Variants in OTUD7A observed in about 807,000 individuals in gnomAD.
OTUD7A encodes the protein OTU domain-containing protein 7A.
Under a neutral mutation model 65.7 loss-of-function variants are expected in OTUD7A, and 12 were observed. The observed-to-expected ratio is 0.18, with a 90% CI of 0.12 to 0.30. The LOEUF (loss-of-function observed/expected upper bound fraction) is 0.30, where lower values mean the gene tolerates loss of function less well. OTUD7A is among the 10% of genes least tolerant of loss of function. The probability of loss-of-function intolerance (pLI) is 1.00; values close to 1 mark genes in which losing one functional copy is unlikely to be tolerated. For missense variants in OTUD7A, 1,148 were observed against 1,304.8 expected, an observed-to-expected ratio of 0.88 and a Z score of 1.85; for synonymous variants, 641 against 586.3, an observed-to-expected ratio of 1.09 and a Z score of -1.35.
At chr15:31,809,817 C>T (rs1360721927) in intron 1 of OTUD7A, among the ~76,000 whole-genome samples, 1 of 152,226 alleles carries the variant, frequency 6.6e-6, no homozygotes, top group Non-Finnish European at 1.5e-5. Flanking sequence ...CTAAATAATA[C>T]ACAAACAAAA....
At position 31,524,380 on chromosome 15, in the gene OTUD7A, TATC is replaced by T. The variant is rs2041981616; in HGVS notation, c.893+1966_893+1968del. ...TTTTGACTTTTTGGCTCCTTCCATT[TATC>T]ATTTTTGTGGGGTCTTGGAACAGTT... On this transcript the variant is annotated intron_variant, in intron 8 of 12. Transcript: ENST00000307050. 2.7e-5 allele frequency among the ~76,000 whole-genome samples: 4 copies of T among 148,304 alleles called. No homozygotes were observed. The South Asian group carries it at 8.3e-4, about 31-fold the overall frequency.
intron 1 of OTUD7A, among the ~76,000 whole-genome samples, chr15:31,750,178 C>T (rs1049793386): frequency 4.6e-5 from 7 of 152,072 alleles, no homozygotes; most frequent in South Asian, 2.1e-4. Context: ...GAGGCTGAGG[C>T]GGGTGGATCA....
intron 1 of OTUD7A, among the ~76,000 whole-genome samples, chr15:31,832,803 A>G (rs1896967560): frequency 6.6e-6 from 1 of 152,230 alleles, no homozygotes; most frequent in Admixed American, 6.5e-5. Context: ...GCTGAATAAT[A>G]TTCCATTGTA....
chr15:31,484,080 G>A lies in OTUD7A; in HGVS notation c.2016C>T (p.Phe672=). The change falls in exon 13 of 13, where the codon TTC becomes TTT. Residue 672 remains phenylalanine, a synonymous_variant. Transcript: ENST00000307050. This position sits in a 1 kb window ranked among gnomAD's most constrained non-coding sequence, Gnocchi z 4.5. ...GYYLTSAQER[F]SAEQEQRRRD... ...GGCGCCGCTGCTCCTGCTCGGCGCT[G>A]AAGCGCTCCTGCGCGCTCGTCAGGT... The A allele has an allele frequency of 6.3e-7, 1 of 1,594,630 alleles. No homozygotes were observed. Among genetic ancestry groups the A allele is most frequent in the Non-Finnish European group, 8.5e-7 (1 of 1,176,740 alleles).
chr15:31,500,760 T>C (rs1346755554), intron 10 of OTUD7A, among the ~76,000 whole-genome samples: 1 of 152,240 alleles, frequency 6.6e-6, no homozygotes, highest in Non-Finnish European at 1.5e-5. Flanking sequence ...TTCCCCCTGT[T>C]GGCCCTGGAC....
intron 1 of OTUD7A, among the ~76,000 whole-genome samples, chr15:31,727,401 A>C (rs1363903699): frequency 7.9e-6 from 1 of 125,918 alleles, no homozygotes; most frequent in African/African-American, 2.9e-5. Context: ...TAAAACATTG[A>C]TCTCTCCATC....
At chr15:31,526,029 T>C (rs1201042586) in intron 8 of OTUD7A, among the ~76,000 whole-genome samples, 1 of 152,216 alleles carries the variant, frequency 6.6e-6, no homozygotes, top group Non-Finnish European at 1.5e-5. Context: ...TGCTGTGCCC[T>C]GAAGGCGCAC....
chr15:31,550,850 A>C (rs185962423), intron 5 of OTUD7A, among the ~76,000 whole-genome samples: 1 of 152,314 alleles, frequency 6.6e-6, no homozygotes, highest in East Asian at 1.9e-4. Context: ...GGGAGTGTTC[A>C]GCAGGTGTCT....
chr15:31,747,987 A>T (rs1403706253), intron 1 of OTUD7A, among the ~76,000 whole-genome samples: 2 of 152,190 alleles, frequency 1.3e-5, no homozygotes, highest in Non-Finnish European at 2.9e-5. Flanking sequence ...CTTGGAAAAC[A>T]CCAAATCAAG....
At chr15:31,538,392 G>A (rs1237301011) in intron 5 of OTUD7A, among the ~76,000 whole-genome samples, 1 of 152,176 alleles carries the variant, frequency 6.6e-6, no homozygotes, top group African/African-American at 2.4e-5. Flanking sequence ...TTAAGCTCCT[G>A]CTGGCTGGGT....
intron 1 of OTUD7A, among the ~76,000 whole-genome samples, chr15:31,707,846 C>T (rs1893342866): frequency 6.6e-6 from 1 of 152,034 alleles, no homozygotes; most frequent in Admixed American, 6.5e-5. Context: ...TATAATTTTT[C>T]ATTTATCTAG....
At position 31,483,305 on chromosome 15, in the gene OTUD7A, C is replaced by T; in HGVS notation, c.2791G>A (p.Ala931Thr). 1 of 1,182,290 alleles carries T rather than the reference C, an allele frequency of 8.5e-7. No homozygotes were observed. The highest frequency in any genetic ancestry group is 4.6e-5 in the Admixed American group (1 of 21,590). The allele number at this position is 1,182,290 out of a possible 1,614,324, so 73.2% of individuals were successfully genotyped here. The part of the protein sequence containing the change: ...ELRRRREARG[A>T]RP The stretch of plus-strand genomic sequence containing the variant: ...CCGCGCCGCGCCGCTCAGGGCCGGG[C>T]CCCGCGCGCCTCGCGCCGCCGCCGC... Residue 931 changes from alanine (A) to threonine (T), a missense_variant, in exon 13 of 13, where the codon GCC becomes ACC. Ala to Thr is a moderately conservative substitution (Grantham distance 58). This residue lies in a region of OTUD7A where 842 missense variants were observed against 769.5 expected (regional missense o/e 1.09). Coordinates refer to ENST00000307050, the MANE Select transcript of OTUD7A (RefSeq NM_001382637.1).
At chr15:31,834,077 G>A (rs1012157573) in intron 1 of OTUD7A, among the ~76,000 whole-genome samples, 1 of 152,248 alleles carries the variant, frequency 6.6e-6, no homozygotes, top group Non-Finnish European at 1.5e-5. Flanking sequence ...CCTGAAAAGA[G>A]TAATATTCTT....
At chr15:31,622,552 G>A (rs529809340) in intron 3 of OTUD7A, among the ~76,000 whole-genome samples, 2 of 152,234 alleles carry the variant, frequency 1.3e-5, no homozygotes, top group Admixed American at 1.3e-4. Flanking sequence ...CCAGTTGATG[G>A]AATTGGCTAC....
rs1343057754 is a variant in OTUD7A, at chr15:31,656,980, G to T, written c.-5+3C>A. Reference sequence around the variant, plus strand: ...CGGCCAGAAAAGAAGAAAATTATTTGACCTGATGTATATGGTACCAATTAG... The same window carrying T: ...CGGCCAGAAAAGAAGAAAATTATTTTACCTGATGTATATGGTACCAATTAG... On this transcript the variant is annotated splice_donor_region_variant and intron_variant, in intron 2 of 12. Transcript: ENST00000307050. The T allele has an allele frequency of 6.5e-6, 1 of 152,686 alleles. No homozygotes were observed. Among genetic ancestry groups the T allele is most frequent in the Non-Finnish European group, 1.5e-5 (1 of 68,070 alleles). The allele number at this position is 152,686 out of a possible 1,614,324, so 9.5% of individuals were successfully genotyped here.
chr15:31,824,044 C>T lies in OTUD7A; in HGVS notation c.-100+46463G>A, dbSNP rs963498019. Among the ~76,000 whole-genome samples, 156 of 152,238 alleles carry T rather than the reference C, an allele frequency of 1.0e-3. 2 individuals are homozygous for T. Among genetic ancestry groups the T allele is most frequent in the Non-Finnish European group, 1.2e-4 (8 of 68,020 alleles). On this transcript the variant is annotated intron_variant, in intron 1 of 12. Transcript: ENST00000307050. Reference sequence around the variant, plus strand: ...CAGGCTGGTTAGGTAGGCGAAAAGACGAAGACACAGTCCAAGGCATGAAGA... The same window carrying T: ...CAGGCTGGTTAGGTAGGCGAAAAGATGAAGACACAGTCCAAGGCATGAAGA...
At chr15:31,740,731 T>C (rs916941837) in intron 1 of OTUD7A, among the ~76,000 whole-genome samples, 11 of 152,196 alleles carry the variant, frequency 7.2e-5, no homozygotes, top group Non-Finnish European at 1.5e-4. Flanking sequence ...AGAGACCAGA[T>C]GCTCCAGTTC....
At chr15:31,576,144 A>G (rs1288177364) in intron 3 of OTUD7A, among the ~76,000 whole-genome samples, 3 of 152,136 alleles carry the variant, frequency 2.0e-5, no homozygotes, top group Non-Finnish European at 4.4e-5. Context: ...CTCCCTCACA[A>G]TTTGCTCACC....
At chr15:31,785,587 T>C (rs1202245093) in intron 1 of OTUD7A, among the ~76,000 whole-genome samples, 1 of 152,190 alleles carries the variant, frequency 6.6e-6, no homozygotes, top group Non-Finnish European at 1.5e-5. Context: ...CTGGTGAAGA[T>C]GGCAGTGCCC....
Sources: allele counts gnomAD v4.1 joint callset (sites outside exome capture counted in the v4.1 genomes callset), GRCh38; gene constraint gnomAD v4.1.1; regional missense constraint gnomAD v4.1.1; non-coding constraint Gnocchi (gnomAD v3.1); transcripts MANE v1.5; gene names NCBI Gene and HGNC (gene_info 2026-07-23, HGNC 2026-07-21).